The following KYAT1 variants were observed in gnomAD, a reference collection of about 807,000 sequenced individuals.
The protein encoded by KYAT1 is kynurenine aminotransferase 1.
A neutral mutation model predicts 52.4 loss-of-function variants in KYAT1; 47 were observed. That is an observed-to-expected ratio of 0.90 (90% CI 0.71 to 1.14). KYAT1 has a LOEUF of 1.14. Ranked by LOEUF, KYAT1 falls within the 50% of genes most tolerant of loss-of-function variation. The pLI, the probability that KYAT1 is intolerant of heterozygous loss-of-function variation, is 0.00. For synonymous variants in KYAT1, 212 were observed against 209.6 expected (o/e 1.01, Z -0.10); for missense variants, 480 against 557.9 (o/e 0.86, Z 1.41).
chr9:128,874,410 C>G (rs1837667552), intron 1 of KYAT1, among the ~76,000 whole-genome samples: 1 of 151,312 alleles, frequency 6.6e-6, no homozygotes, highest in Non-Finnish European at 1.5e-5. Flanking sequence ...CTACCGGGCT[C>G]AGGAAATCCT....
At chr9:128,868,506 C>T (rs1423454441) in intron 1 of KYAT1, among the ~76,000 whole-genome samples, 2 of 152,096 alleles carry the variant, frequency 1.3e-5, no homozygotes, top group Non-Finnish European at 2.9e-5. Flanking sequence ...ATTCTCTCAC[C>T]TCAGTCTCCC....
At chr9:128,868,413 G>C (rs1487083570) in intron 1 of KYAT1, among the ~76,000 whole-genome samples, 2 of 151,710 alleles carry the variant, frequency 1.3e-5, no homozygotes, top group African/African-American at 4.8e-5. Flanking sequence ...GGTGAGACAG[G>C]GTCTCATTCT....
chr9:128,835,788 C>A lies in KYAT1; in HGVS notation c.846G>T (p.Thr282=), dbSNP rs202219883. The change falls in exon 9 of 13, where the codon ACG becomes ACT. Residue 282 remains threonine, a synonymous_variant. Coordinates refer to ENST00000302586, the MANE Select transcript of KYAT1 (RefSeq NM_004059.5). ...TCCTGCCCCTCTTCACCTGGCTCTG[C>A]GTGGGGCAGTGGAAGACGGAGTTCT... ...VHQNSVFHCP[T]QSQAAVAESF... 20 of 1,612,782 alleles carry A rather than the reference C, an allele frequency of 1.2e-5. No individual in the cohort carries two copies. The East Asian group carries it at 2.2e-4, about 18-fold the overall frequency.
chr9:128,848,634 A>G (rs1180385026), intron 1 of KYAT1, among the ~76,000 whole-genome samples: 1 of 152,026 alleles, frequency 6.6e-6, no homozygotes, highest in Non-Finnish European at 1.5e-5. Flanking sequence ...CCTGGCCAAC[A>G]TGCTAAAACC....
At chr9:128,871,555 T>C (rs1302335615) in intron 1 of KYAT1, among the ~76,000 whole-genome samples, 1 of 151,528 alleles carries the variant, frequency 6.6e-6, no homozygotes, top group African/African-American at 2.4e-5. Flanking sequence ...CAAATAATTT[T>C]TTAAAAATTA....
intron 1 of KYAT1, among the ~76,000 whole-genome samples, chr9:128,868,351 T>C (rs1001621180): frequency 6.6e-6 from 1 of 151,954 alleles, no homozygotes; most frequent in African/African-American, 2.4e-5. Flanking sequence ...ATTACAGGCG[T>C]GAGCCATCAT....
intron 1 of KYAT1, among the ~76,000 whole-genome samples, chr9:128,872,844 A>G (rs4837327): frequency 0.61 from 88,724 of 146,604 alleles, 27,910 homozygotes; most frequent in Admixed American, 0.73. Flanking sequence ...AGGCCGAGGC[A>G]GGCAGATCAC....
Position 128,837,545 on chromosome 9 carries a change from G to A in KYAT1, c.567+140C>T, listed in dbSNP as rs926331674. 4.1e-6 allele frequency: 4 copies of A among 981,940 alleles called. No individual in the cohort carries two copies. The African/African-American group carries it at 6.5e-5, about 16-fold the overall frequency. The allele number at this position is 981,940 out of a possible 1,614,324, so 60.8% of individuals were successfully genotyped here. On this transcript the variant is annotated intron_variant, in intron 6 of 12. Coordinates refer to ENST00000302586, the MANE Select transcript of KYAT1 (RefSeq NM_004059.5). ...TTGCCCCTGTCCTGGGACCTCTGGA[G>A]TCTTGGTCCTCAGTGCTCATTGTGT...
chr9:128,840,149 T>A (rs1438408600), intron 3 of KYAT1, among the ~76,000 whole-genome samples: 2 of 151,334 alleles, frequency 1.3e-5, no homozygotes, highest in Non-Finnish European at 2.9e-5. Context: ...GGTAAAATAT[T>A]TAATGAGGCT....
chr9:128,833,251 G>A lies in KYAT1; in HGVS notation c.*333C>T, dbSNP rs1830435104. The A allele has an allele frequency of 2.2e-6, 1 of 446,914 alleles. No homozygotes were observed. Among genetic ancestry groups the A allele is most frequent in the African/African-American group, 2.0e-5 (1 of 50,882 alleles). The allele number at this position is 446,914 out of a possible 1,614,324, so 27.7% of individuals were successfully genotyped here. On this transcript the variant is annotated 3_prime_UTR_variant, in exon 13 of 13. Transcript: ENST00000302586. ...CCTGAGCCTTAGCAGGGGCCATGCA[G>A]AGCTGGGATGTGATCGGTACATGGT...
At chr9:128,841,694 C>CAA (rs71383615) in intron 3 of KYAT1, among the ~76,000 whole-genome samples, 1,112 of 105,616 alleles carry the variant, frequency 0.011, 15 homozygotes, top group African/African-American at 0.023. Flanking sequence ...GACTCCATCT[C>CAA]AAAAAAAAAA....
At chr9:128,851,359 G>A (rs756222509) in intron 1 of KYAT1, among the ~76,000 whole-genome samples, 4 of 152,132 alleles carry the variant, frequency 2.6e-5, no homozygotes, top group Admixed American at 2.6e-4. Context: ...ATGCTTGTGC[G>A]CTCGGAGGAA....
rs779702242 is a variant in KYAT1, at chr9:128,838,325, C to G, written c.244G>C (p.Glu82Gln). The G allele has an allele frequency of 2.5e-5, 40 of 1,614,038 alleles. No homozygotes were observed. The highest frequency in any genetic ancestry group is 3.4e-5 in the Non-Finnish European group (40 of 1,180,038). ...LTKILASFFGELLGQEIDPLR... is the reference protein window; with the variant it reads ...LTKILASFFGQLLGQEIDPLR... ...GGGTCTATCTCCTGACCCAGCAGCT[C>G]CCCAAAGAAACTTGCCAGGATCTTC... The change falls in exon 4 of 13, where the codon GAG (glutamate) becomes CAG (glutamine). Residue 82 changes from glutamate to glutamine, a missense_variant. Coordinates refer to ENST00000302586, the MANE Select transcript of KYAT1 (RefSeq NM_004059.5).
chr9:128,874,633 G>A (rs997306472), intron 1 of KYAT1, among the ~76,000 whole-genome samples: 2 of 151,648 alleles, frequency 1.3e-5, no homozygotes, highest in South Asian at 4.2e-4. Flanking sequence ...TGATGAATAC[G>A]AGTCATCCTT....
At position 128,865,342 on chromosome 9, in the gene KYAT1, TATATA is replaced by T. The variant is rs1836162831; in HGVS notation, c.-7+16550_-7+16554del. 1.4e-3 allele frequency among the ~76,000 whole-genome samples: 9 copies of T among 6,382 alleles called. 1 individual carries two copies. The highest frequency in any genetic ancestry group is 5.0e-3 in the East Asian group (1 of 200). The allele number at this position is 6,382 out of a possible 152,430, so 4.2% of individuals were successfully genotyped here. The stretch of plus-strand genomic sequence containing the variant: ...ATATATATATATATATATATATATA[TATATA>T]TATATATATATATTTTTTTTTTTTT... On this transcript the variant is annotated intron_variant, in intron 1 of 12. Coordinates refer to ENST00000302586, the MANE Select transcript of KYAT1 (RefSeq NM_004059.5).
intron 1 of KYAT1, among the ~76,000 whole-genome samples, chr9:128,877,738 A>G (rs1255114795): frequency 6.6e-6 from 1 of 152,198 alleles, no homozygotes; most frequent in African/African-American, 2.4e-5. Context: ...GAGCTTCTCA[A>G]TAGGGGCACA....
rs764448955 is a variant in KYAT1 at position 128,838,416 on chromosome 9, T to C, written c.202-49A>G. 2.5e-6 allele frequency: 4 copies of C among 1,609,490 alleles called. No homozygotes were observed. In the Admixed American group the frequency reaches 5.0e-5, roughly 20 times the overall value. On this transcript the variant is annotated intron_variant, in intron 3 of 12. Coordinates refer to ENST00000302586, the MANE Select transcript of KYAT1 (RefSeq NM_004059.5). ...TGTCCAGCTCAGCCTGGGCCCATCC[T>C]CCGGCCCAGCTGTATCCAGGCAATT...
chr9:128,858,862 G>T lies in KYAT1; in HGVS notation c.-6-13451C>A, dbSNP rs192796231. Among the ~76,000 whole-genome samples, 399 of 150,228 alleles carry T rather than the reference G, an allele frequency of 2.7e-3. 2 individuals are homozygous for T. Among genetic ancestry groups the T allele is most frequent in the African/African-American group, 9.5e-3 (387 of 40,848 alleles). On this transcript the variant is annotated intron_variant, in intron 1 of 12. Coordinates refer to ENST00000302586, the MANE Select transcript of KYAT1 (RefSeq NM_004059.5). ...GTCTGTACTAACAACACAAAAATTA[G>T]CTGGACATGGTGGCTCATACCTGTA...
intron 1 of KYAT1, among the ~76,000 whole-genome samples, chr9:128,856,172 A>T (rs2805100): frequency 0.98 from 149,763 of 152,296 alleles, 73,677 homozygotes; most frequent in Middle Eastern, 1. Context: ...TAGATATTTT[A>T]AAATTAAAAT....
Sources: gnomAD v4.1 joint callset for allele counts (sites outside exome capture counted in the v4.1 genomes callset) on GRCh38, gnomAD v4.1.1 for gene constraint, MANE v1.5 for transcripts, NCBI Gene and HGNC (gene_info 2026-07-23, HGNC 2026-07-21) for gene names.